The following PTPRG variants were observed in gnomAD, a reference collection of about 807,000 sequenced individuals.
PTPRG encodes protein tyrosine phosphatase receptor type G, also known as receptor-type tyrosine-protein phosphatase gamma.
PTPRG carries 102 observed loss-of-function variants against 165.3 expected under a neutral mutation model. The observed-to-expected ratio is 0.62, with a 90% CI of 0.53 to 0.73. The LOEUF is 0.73. Among genes scored for constraint, PTPRG ranks in the 30% least tolerant of loss-of-function variants. PTPRG has a pLI of 0.00. For missense variants in PTPRG, 1,866 were observed against 1,861.4 expected, an observed-to-expected ratio of 1.00 and a Z score of -0.05; for synonymous variants, 675 against 669.5, an observed-to-expected ratio of 1.01 and a Z score of -0.13.
intron 2 of PTPRG, among the ~76,000 whole-genome samples, chr3:61,767,698 A>G (rs2034070583): frequency 6.6e-6 from 1 of 152,136 alleles, no homozygotes. Context: ...GCTGGGCATA[A>G]TGGCTCATGC....
In PTPRG at chr3:62,190,611, C is replaced by T. The variant is rs1236123973; in HGVS notation, c.1034-858C>T. On this transcript the variant is annotated intron_variant, in intron 8 of 29. Transcript: ENST00000474889. The surrounding 1 kb of genome is among the most constrained non-coding windows in gnomAD (Gnocchi z 5.2). ...TACACCCCACGTCAGGATAATTACA[C>T]GGGGTTCTGCTGTTCCAGAGAAAGT... Among the ~76,000 whole-genome samples, 1 of 152,160 alleles carries T rather than the reference C, an allele frequency of 6.6e-6. No individual in the cohort carries two copies. The highest frequency in any genetic ancestry group is 1.5e-5 in the Non-Finnish European group (1 of 68,026).
intron 12 of PTPRG, among the ~76,000 whole-genome samples, chr3:62,205,882 C>A (rs544802796): frequency 6.6e-6 from 1 of 152,126 alleles, no homozygotes; most frequent in African/African-American, 2.4e-5. Context: ...CCTCTCAGGC[C>A]TCTGCGTGGA....
rs2148872721 is a variant in PTPRG at position 62,271,267 on chromosome 3, G to A, written c.3010-116G>A. On this transcript the variant is annotated intron_variant, in intron 20 of 29. Transcript: ENST00000474889. The surrounding 1 kb of genome is among the most constrained non-coding windows in gnomAD (Gnocchi z 4.1). ...TACAAGGGGGAATAACCTAGCCTGG[G>A]AACAGTGATTAGGGTGAATGTGATC... 2.3e-6 allele frequency: 2 copies of A among 867,366 alleles called. No homozygotes were observed. Among genetic ancestry groups the A allele is most frequent in the Middle Eastern group, 2.3e-4 (1 of 4,342 alleles). The allele number at this position is 867,366 out of a possible 1,614,324, so 53.7% of individuals were successfully genotyped here.
chr3:62,206,317 G>GA (rs1158014895), intron 12 of PTPRG, among the ~76,000 whole-genome samples: 1 of 148,446 alleles, frequency 6.7e-6, no homozygotes, highest in Non-Finnish European at 1.5e-5. Context: ...CCACCCTACA[G>GA]AAATCTGAGA....
At chr3:61,759,668 T>G (rs531590793) in intron 2 of PTPRG, among the ~76,000 whole-genome samples, 16 of 152,178 alleles carry the variant, frequency 1.1e-4, no homozygotes, top group Admixed American at 3.3e-4. Flanking sequence ...ATAATAATAA[T>G]AAGAATACTA....
chr3:62,249,266 A>G (rs1701357013), intron 15 of PTPRG, among the ~76,000 whole-genome samples: 1 of 152,128 alleles, frequency 6.6e-6, no homozygotes. Context: ...AAACACCTTG[A>G]GAGGCCTGAA....
rs59889567 is a variant in PTPRG, at chr3:61,899,017, T to A, written c.191-90608T>A. Among the ~76,000 whole-genome samples, 414 of 152,256 alleles carry A rather than the reference T, an allele frequency of 2.7e-3. 1 individual carries two copies. Among genetic ancestry groups the A allele is most frequent in the African/African-American group, 9.3e-3 (386 of 41,552 alleles). The stretch of plus-strand genomic sequence containing the variant: ...TTGAGTTCTTGGGCTCAAGCGATCC[T>A]CCCACCTCAGCCTCCCAAGTCACTG... On this transcript the variant is annotated intron_variant, in intron 2 of 29. Coordinates refer to ENST00000474889, the MANE Select transcript of PTPRG (RefSeq NM_002841.4).
At position 62,273,478 on chromosome 3, in the gene PTPRG, G is replaced by T. The variant is rs1294517161; in HGVS notation, c.3319-220G>T. On this transcript the variant is annotated intron_variant, in intron 22 of 29. Coordinates refer to ENST00000474889, the MANE Select transcript of PTPRG (RefSeq NM_002841.4). This position sits in a 1 kb window ranked among gnomAD's most constrained non-coding sequence, Gnocchi z 4.1. ...CACAGTATAGAATACCGTGATCCAG[G>T]CACAGTATAGAATACAGAGCTAAAC... Among the ~76,000 whole-genome samples the T allele has an allele frequency of 6.6e-6, 1 of 152,100 alleles. No individual in the cohort carries two copies. Among genetic ancestry groups the T allele is most frequent in the African/African-American group, 2.4e-5 (1 of 41,412 alleles).
intron 2 of PTPRG, among the ~76,000 whole-genome samples, chr3:61,913,113 G>A (rs2038842635): frequency 6.6e-6 from 1 of 152,190 alleles, no homozygotes; most frequent in Non-Finnish European, 1.5e-5. Flanking sequence ...ATGTTATATG[G>A]ATGTATTGCA....
intron 1 of PTPRG, among the ~76,000 whole-genome samples, chr3:61,593,928 C>A (rs1007329041): frequency 3.9e-5 from 6 of 151,946 alleles, no homozygotes; most frequent in Non-Finnish European, 1.5e-5. Context: ...TCTCTTTTTT[C>A]CTTAATCACT....
intron 4 of PTPRG, among the ~76,000 whole-genome samples, chr3:62,063,196 C>G (rs1700877594): frequency 6.6e-6 from 1 of 152,156 alleles, no homozygotes; most frequent in Non-Finnish European, 1.5e-5. Context: ...ATTATCTTTT[C>G]CACTCCATCA....
chr3:62,089,047 G>T (rs1701845221), intron 5 of PTPRG, among the ~76,000 whole-genome samples: 1 of 152,158 alleles, frequency 6.6e-6, no homozygotes, highest in Non-Finnish European at 1.5e-5. Flanking sequence ...GTTGTTCAGG[G>T]TTTACACTGA....
chr3:62,224,733 T>A lies in PTPRG; in HGVS notation c.2288+5750T>A, dbSNP rs1397043832. Among the ~76,000 whole-genome samples the A allele has an allele frequency of 6.6e-6, 1 of 152,188 alleles. No individual in the cohort carries two copies. The highest frequency in any genetic ancestry group is 2.4e-5 in the African/African-American group (1 of 41,436). On this transcript the variant is annotated intron_variant, in intron 13 of 29. Coordinates refer to ENST00000474889, the MANE Select transcript of PTPRG (RefSeq NM_002841.4). The surrounding 1 kb of genome is among the most constrained non-coding windows in gnomAD (Gnocchi z 4.9). The stretch of plus-strand genomic sequence containing the variant: ...GTCTGAGAGACCTCAGACATCAGTC[T>A]CATCGGGGACTATTTGAGCAGTGTT...
At chr3:61,890,423 G>GTTTTTTTTTTTTTTTTTTTTTT (rs11328993) in intron 2 of PTPRG, among the ~76,000 whole-genome samples, 1 of 119,240 alleles carries the variant, frequency 8.4e-6, no homozygotes, top group Non-Finnish European at 1.7e-5. Flanking sequence ...TTTTTTTTTT[G>GTTTTTTTTTTTTTTTTTTTTTT]TTTTTTTTTT....
At chr3:62,048,202 A>G (rs1304581979) in intron 4 of PTPRG, among the ~76,000 whole-genome samples, 2 of 152,182 alleles carry the variant, frequency 1.3e-5, no homozygotes, top group Admixed American at 6.5e-5. Context: ...GAAGAAAGAA[A>G]ACAAGGAGGT....
chr3:61,931,845 ACT>A (rs1160314740), intron 2 of PTPRG, among the ~76,000 whole-genome samples: 10 of 152,032 alleles, frequency 6.6e-5, no homozygotes, highest in African/African-American at 2.4e-4. Flanking sequence ...GTTATGACAA[ACT>A]CTCATGTTTA....
At chr3:61,782,275 C>T (rs2034568734) in intron 2 of PTPRG, among the ~76,000 whole-genome samples, 5 of 152,208 alleles carry the variant, frequency 3.3e-5, no homozygotes, top group Admixed American at 3.3e-4. Flanking sequence ...GTGTAGTTAT[C>T]TCTTCTACTG....
At chr3:62,069,691 CAG>C (rs1439239429) in intron 4 of PTPRG, among the ~76,000 whole-genome samples, 2 of 150,466 alleles carry the variant, frequency 1.3e-5, no homozygotes, top group African/African-American at 5.0e-5. Context: ...CTCTCACACA[CAG>C]ACACACGCAC....
intron 6 of PTPRG, among the ~76,000 whole-genome samples, chr3:62,151,290 A>G (rs1227325249): frequency 6.6e-6 from 1 of 152,232 alleles, no homozygotes; most frequent in Non-Finnish European, 1.5e-5. Flanking sequence ...AAATTTAATC[A>G]TCTTCAGATA....
Sources: gnomAD v4.1 joint callset for allele counts (sites outside exome capture counted in the v4.1 genomes callset) on GRCh38, gnomAD v4.1.1 for gene constraint, Gnocchi (gnomAD v3.1) non-coding constraint, MANE v1.5 for transcripts, NCBI Gene and HGNC (gene_info 2026-07-23, HGNC 2026-07-21) for gene names.